The following OR4D6 variants were observed in gnomAD, a reference collection of about 807,000 sequenced individuals.
OR4D6 encodes the protein olfactory receptor 4D6.
OR4D6 carries 9 observed loss-of-function variants against 10.9 expected under a neutral mutation model. That is an observed-to-expected ratio of 0.82 (90% CI 0.50 to 1.44). OR4D6 has a LOEUF of 1.44. Among genes scored for constraint, OR4D6 ranks in the 40% most tolerant of loss-of-function variants. OR4D6 has a pLI of 0.00. For missense variants in OR4D6, 370 were observed against 384.4 expected (o/e 0.96, Z 0.31); for synonymous variants, 167 against 154.4 (o/e 1.08, Z -0.60).
Position 59,457,305 on chromosome 11 carries a change from C to T in OR4D6, c.345C>T (p.Leu115=). 1 of 1,613,430 alleles carries T rather than the reference C, an allele frequency of 6.2e-7. No individual in the cohort carries two copies. The highest frequency in any genetic ancestry group is 1.3e-5 in the African/African-American group (1 of 74,968). Residue 115 remains leucine (L), a synonymous_variant, in exon 1 of 1, where the codon CTC becomes CTT. Transcript: ENST00000300127. ...CTGGTGGGGCAGATATTTTTTTCCT[C>T]TCTGTGATGGCCTATGACAGATACC... The part of the protein sequence containing the change: ...HFAGGADIFF[L]SVMAYDRYLA...
Position 59,457,396 on chromosome 11 carries a change from G to A in OR4D6, c.436G>A (p.Val146Met), listed in dbSNP as rs1457380950. The A allele has an allele frequency of 3.1e-6, 5 of 1,613,984 alleles. No individual in the cohort carries two copies. The highest frequency in any genetic ancestry group is 4.2e-6 in the Non-Finnish European group (5 of 1,180,000). The change falls in exon 1 of 1, where the codon GTG becomes ATG. Residue 146 changes from valine to methionine, a missense_variant. Physicochemically the swap from Val to Met is conservative, Grantham distance 21. Coordinates refer to ENST00000300127, the MANE Select transcript of OR4D6 (RefSeq NM_001004708.1). The stretch of plus-strand genomic sequence containing the variant: ...GAAAGAGGTGTGGGTGGCCTTGGTG[G>A]TGGCTTCTTGGGTGAGTGGTGGTTT... ...MRKEVWVALVVASWVSGGLHS... is the reference protein window; with the variant it reads ...MRKEVWVALVMASWVSGGLHS...
In OR4D6 at chr11:59,457,567, A is replaced by T; in HGVS notation, c.607A>T (p.Asn203Tyr). The T allele has an allele frequency of 6.2e-7, 1 of 1,614,084 alleles. No individual in the cohort carries two copies. The highest frequency in any genetic ancestry group is 8.5e-7 in the Non-Finnish European group (1 of 1,179,998). Residue 203 changes from asparagine (N) to tyrosine (Y), a missense_variant, in exon 1 of 1, where the codon AAC (asparagine) becomes TAC (tyrosine). Physicochemically the swap from Asn to Tyr is moderately radical, Grantham distance 143 (BLOSUM62 -2). Transcript: ENST00000300127. Reference protein sequence around the residue: ...FALELFMISNNGLVTLLWFLL... With the variant: ...FALELFMISNYGLVTLLWFLL... ...TTTGGAGCTTTTCATGATCTCTAACAACGGACTGGTGACCCTGCTCTGGTT... is the reference window on the plus strand; with the variant it reads ...TTTGGAGCTTTTCATGATCTCTAACTACGGACTGGTGACCCTGCTCTGGTT...
Sources: gnomAD v4.1 joint callset for allele counts on GRCh38, gnomAD v4.1.1 for gene constraint, MANE v1.5 for transcripts, NCBI Gene and HGNC (gene_info 2026-07-23, HGNC 2026-07-21) for gene names.